DNAH8: variants seen among roughly 807,000 people sequenced by gnomAD.
DNAH8 encodes axonemal beta dynein heavy chain 8.
A neutral mutation model predicts 562.1 loss-of-function variants in DNAH8; 382 were observed. The ratio of observed to expected loss-of-function variants is 0.68; its 90% confidence interval spans 0.63 to 0.74. The LOEUF (loss-of-function observed/expected upper bound fraction) is 0.74. Among genes scored for constraint, DNAH8 ranks in the 30% least tolerant of loss-of-function variants. The pLI is 0.00. For synonymous variants in DNAH8, 1,881 were observed against 1,919.4 expected, an observed-to-expected ratio of 0.98 and a Z score of 0.52; for missense variants, 5,203 against 5,620.4, an observed-to-expected ratio of 0.93 and a Z score of 2.37.
intron 82 of DNAH8, among the ~76,000 whole-genome samples, chr6:38,954,925 C>G (rs1308166656): frequency 6.6e-6 from 1 of 152,172 alleles, no homozygotes; most frequent in African/African-American, 2.4e-5. Flanking sequence ...TTCAAGGACT[C>G]TCATATGCTA....
At chr6:38,816,077 ATT>A (rs1334827868) in intron 26 of DNAH8, among the ~76,000 whole-genome samples, 3 of 151,422 alleles carry the variant, frequency 2.0e-5, no homozygotes, top group African/African-American at 4.9e-5. Context: ...ATTTTATTTT[ATT>A]TTATTTTATT....
In DNAH8 at chr6:38,753,881, C is replaced by T. The variant is rs374092450; in HGVS notation, c.1408-2091C>T. 9.9e-5 allele frequency among the ~76,000 whole-genome samples: 15 copies of T among 152,262 alleles called. No homozygotes were observed. In the South Asian group the frequency reaches 1.9e-3, roughly 19 times the overall value. On this transcript the variant is annotated intron_variant, in intron 9 of 92. Coordinates refer to ENST00000327475, the MANE Select transcript of DNAH8 (RefSeq NM_001206927.2). The stretch of plus-strand genomic sequence containing the variant: ...TTTCAAGCATCACCTTTTGAAATGA[C>T]AGAAGTACTAATAGCATTGAGTCAT...
intron 64 of DNAH8, among the ~76,000 whole-genome samples, chr6:38,909,276 C>T (rs2150526150): frequency 6.6e-6 from 1 of 152,298 alleles, no homozygotes; most frequent in Non-Finnish European, 1.5e-5. Context: ...TTATCAGTTT[C>T]CTCTTAAAAG....
intron 10 of DNAH8, among the ~76,000 whole-genome samples, chr6:38,760,501 T>C (rs1467889634): frequency 6.6e-6 from 1 of 152,166 alleles, no homozygotes; most frequent in African/African-American, 2.4e-5. Flanking sequence ...CTTGCTGAGT[T>C]GTCTCAATCC....
intron 89 of DNAH8, among the ~76,000 whole-genome samples, chr6:39,010,209 A>C (rs1447850398): frequency 6.6e-6 from 1 of 152,226 alleles, no homozygotes; most frequent in Non-Finnish European, 1.5e-5. Context: ...ACTAAGAGAC[A>C]TCTAAAACTT....
intron 1 of DNAH8, among the ~76,000 whole-genome samples, chr6:38,719,028 C>T (rs542996918): frequency 3.3e-5 from 5 of 152,158 alleles, no homozygotes; most frequent in African/African-American, 7.2e-5. Flanking sequence ...ATTTTGTCCA[C>T]GTTTCTCTCT....
intron 82 of DNAH8, among the ~76,000 whole-genome samples, chr6:38,959,639 C>A (rs1762479558): frequency 2.0e-5 from 3 of 151,958 alleles, no homozygotes. Context: ...AATGGAAAGA[C>A]ATCTTGTGTT....
chr6:38,781,126 A>G (rs183598388), intron 15 of DNAH8, 128 bp from the exon 16 acceptor site: 80 of 913,348 alleles, frequency 8.8e-5, no homozygotes, highest in Admixed American at 1.0e-4. Context: ...GTGCATTTAC[A>G]TATTTATTGA....
At chr6:39,022,766 GGC>G (rs1767014770) in intron 91 of DNAH8, among the ~76,000 whole-genome samples, 1 of 152,142 alleles carries the variant, frequency 6.6e-6, no homozygotes, top group Non-Finnish European at 1.5e-5. Context: ...TGGGAGGGAG[GGC>G]CACACCCCTG....
intron 4 of DNAH8, among the ~76,000 whole-genome samples, chr6:38,733,267 T>TG (rs773842353): frequency 0.25 from 38,413 of 151,858 alleles, 5,797 homozygotes; most frequent in Non-Finnish European, 0.35. Context: ...TGCAAATTAA[T>TG]ATTGTGACCA....
At chr6:38,969,118 G>C (rs573818493) in intron 82 of DNAH8, among the ~76,000 whole-genome samples, 1 of 152,264 alleles carries the variant, frequency 6.6e-6, no homozygotes, top group Admixed American at 6.5e-5. Context: ...AGGGGGAATG[G>C]GAAGTGACTG....
At chr6:38,984,373 G>A (rs754796077) in intron 87 of DNAH8, 66 bp downstream of exon 87, 2 of 1,015,512 alleles carry the variant, frequency 2.0e-6, no homozygotes, top group South Asian at 1.3e-5. Flanking sequence ...TTTTTTGTTT[G>A]TAATAGGTCT....
At chr6:38,765,886 A>G (rs557499789) in intron 11 of DNAH8, among the ~76,000 whole-genome samples, 45 of 152,340 alleles carry the variant, frequency 3.0e-4, no homozygotes, top group African/African-American at 1.0e-3. Context: ...TAGTGTAGCC[A>G]TTATGAAACA....
At chr6:38,828,673 T>G (rs964095385) in intron 30 of DNAH8, among the ~76,000 whole-genome samples, 2 of 152,218 alleles carry the variant, frequency 1.3e-5, no homozygotes, top group African/African-American at 4.8e-5. Context: ...GACACATTTC[T>G]CAGCCTATTA....
intron 87 of DNAH8, among the ~76,000 whole-genome samples, chr6:38,988,198 G>T (rs372758725): frequency 2.6e-5 from 4 of 152,132 alleles, no homozygotes; most frequent in Non-Finnish European, 5.9e-5. Context: ...TGCTAAAAGC[G>T]ATTGCAGAAC....
At chr6:38,906,951 G>A (rs1247944244) in intron 63 of DNAH8, among the ~76,000 whole-genome samples, 1 of 152,128 alleles carries the variant, frequency 6.6e-6, no homozygotes, top group East Asian at 1.9e-4. Flanking sequence ...CATTATTGGA[G>A]CATTTTAGAT....
chr6:38,747,620 C>T (rs1033514317), intron 8 of DNAH8, among the ~76,000 whole-genome samples: 11 of 152,124 alleles, frequency 7.2e-5, no homozygotes, highest in Non-Finnish European at 1.2e-4. Flanking sequence ...CTCCTGACCT[C>T]GTGATCTGCC....
intron 87 of DNAH8, among the ~76,000 whole-genome samples, chr6:38,985,498 A>G (rs1291489866): frequency 1.3e-5 from 2 of 152,166 alleles, no homozygotes; most frequent in South Asian, 2.1e-4. Context: ...TGTTTTAGCA[A>G]GTTTTTCTTG....
chr6:38,781,210 C>T (rs1768565223), intron 15 of DNAH8, 44 bp from the exon 16 acceptor site: 3 of 1,607,326 alleles, frequency 1.9e-6, no homozygotes, highest in African/African-American at 2.7e-5. Flanking sequence ...TTGCCTTCTC[C>T]CTTGTATTGA....
Sources: allele counts gnomAD v4.1 joint callset (sites outside exome capture counted in the v4.1 genomes callset), GRCh38; gene constraint gnomAD v4.1.1; transcripts MANE v1.5; gene names NCBI Gene and HGNC (gene_info 2026-07-23, HGNC 2026-07-21).